C11orf65: variants seen among roughly 807,000 people sequenced by gnomAD.
C11orf65 encodes the protein chromosome 11 open reading frame 65.
C11orf65 carries 38 observed loss-of-function variants against 35.3 expected under a neutral mutation model. The ratio of observed to expected loss-of-function variants is 1.08; its 90% confidence interval spans 0.83 to 1.41. The LOEUF (loss-of-function observed/expected upper bound fraction) is 1.41. Ranked by LOEUF, C11orf65 falls within the 40% of genes most tolerant of loss-of-function variation. C11orf65 has a pLI of 0.00. For missense variants in C11orf65, 370 were observed against 367.1 expected, an observed-to-expected ratio of 1.01 and a Z score of -0.06; for synonymous variants, 105 against 114.4, an observed-to-expected ratio of 0.92 and a Z score of 0.53.
downstream of C11orf65, chr11:108,327,678 T>C (rs2136374685): frequency 6.2e-7 from 1 of 1,614,002 alleles, no homozygotes; most frequent in Non-Finnish European, 8.5e-7. Context: ...ATACACAGAA[T>C]GTCTGAGGGT....
At chr11:108,319,870 T>G (rs1353568565) in intron 6 of C11orf65, 3 of 946,116 alleles carry the variant, frequency 3.2e-6, no homozygotes, top group Non-Finnish European at 5.0e-6. Context: ...ATTTAAAAAT[T>G]TTGTCCTTTG....
At chr11:108,403,775 G>A (rs2092486258) in intron 6 of C11orf65, among the ~76,000 whole-genome samples, 1 of 152,134 alleles carries the variant, frequency 6.6e-6, no homozygotes, top group African/African-American at 2.4e-5. Context: ...AGTTCCCTTG[G>A]CACCTCTGTT....
At chr11:108,321,443 T>C in intron 6 of C11orf65, 1 of 1,613,904 alleles carries the variant, frequency 6.2e-7, no homozygotes, top group Non-Finnish European at 8.5e-7. Flanking sequence ...TATGACTTTG[T>C]TATCCTAAAG....
At chr11:108,466,432 G>A (rs2093539035) in intron 1 of C11orf65, among the ~76,000 whole-genome samples, 1 of 151,984 alleles carries the variant, frequency 6.6e-6, no homozygotes, top group Non-Finnish European at 1.5e-5. Context: ...AAATAAACTG[G>A]GTGTGGTGGC....
At chr11:108,352,453 A>C (rs1466470481) in intron 2 of C11orf65, among the ~76,000 whole-genome samples, 1 of 152,226 alleles carries the variant, frequency 6.6e-6, no homozygotes, top group African/African-American at 2.4e-5. Flanking sequence ...AGAGCCGTAG[A>C]AATTACCCAA....
chr11:108,359,023 C>G (rs1288175421), intron 2 of C11orf65, among the ~76,000 whole-genome samples: 1 of 150,184 alleles, frequency 6.7e-6, no homozygotes, highest in African/African-American at 2.4e-5. Context: ...GAGTCAAGAC[C>G]CATCAGTGTG....
At chr11:108,316,244 A>G (rs1006367755) in intron 6 of C11orf65, 7 of 951,904 alleles carry the variant, frequency 7.4e-6, no homozygotes, top group African/African-American at 6.5e-5. Flanking sequence ...TTTTCAGAGG[A>G]TTAGGCTAAA....
rs201963507 is a variant in C11orf65, at chr11:108,310,287, A to G, written c.641-1216T>C. 122 of 1,613,438 alleles carry G rather than the reference A, an allele frequency of 7.6e-5. 1 individual carries two copies. In the Middle Eastern group the frequency reaches 8.2e-4, roughly 11 times the overall value. On this transcript the variant is annotated intron_variant, in intron 6 of 6. Coordinates refer to the C11orf65 transcript ENST00000525729. ...ACTCTATGCAGAAATCTATGCAGAT[A>G]AGAAAAGTATGGATGATCAAGAGAA...
At chr11:108,396,708 C>T (rs2092316071) in intron 6 of C11orf65, among the ~76,000 whole-genome samples, 1 of 151,108 alleles carries the variant, frequency 6.6e-6, no homozygotes, top group African/African-American at 2.4e-5. Flanking sequence ...GTGGCAGGTG[C>T]TTGTAGTCCC....
In C11orf65 at chr11:108,334,218, GT is replaced by G. The variant is rs4988129; in HGVS notation, c.299+1001del. Among the ~76,000 whole-genome samples the G allele has an allele frequency of 0.52, 79,522 of 151,842 alleles. 21,705 individuals are homozygous for G. Among genetic ancestry groups the G allele is most frequent in the Middle Eastern group, 0.73 (214 of 294 alleles). The stretch of plus-strand genomic sequence containing the variant: ...TCTTTCTTATGAAGGTCTATAGACT[GT>G]TACTTTCATTGGCCAGAAGGAGAGT... On this transcript the variant is annotated intron_variant, in intron 3 of 3. Coordinates refer to the C11orf65 transcript ENST00000524755.
At chr11:108,449,918 A>G (rs549868338) in intron 2 of C11orf65, among the ~76,000 whole-genome samples, 1 of 152,110 alleles carries the variant, frequency 6.6e-6, no homozygotes, top group South Asian at 2.1e-4. Flanking sequence ...AGAATCTACA[A>G]TGAACTCAAA....
At chr11:108,350,747 A>C (rs2089089509) in intron 2 of C11orf65, among the ~76,000 whole-genome samples, 1 of 152,158 alleles carries the variant, frequency 6.6e-6, no homozygotes, top group South Asian at 2.1e-4. Flanking sequence ...TTATCTGAGA[A>C]TGAAAGGAGA....
In C11orf65 at chr11:108,346,057, CAT is replaced by C. The variant is rs561412238; in HGVS notation, c.227-10767_227-10766del. 2,848 of 851,928 alleles carry C rather than the reference CAT, an allele frequency of 3.3e-3. 15 individuals are homozygous for C. The highest frequency in any genetic ancestry group is 0.033 in the Middle Eastern group (122 of 3,696). 52.8% of individuals were successfully genotyped at this position (851,928 alleles called of 1,614,324 possible). A position where few individuals can be genotyped will look rare whatever the true frequency, so the allele number is the denominator to read the frequency against. On this transcript the variant is annotated intron_variant, in intron 2 of 3. Transcript: ENST00000524755. The stretch of plus-strand genomic sequence containing the variant: ...AACCAACCCATCTTCATTATTAAAT[CAT>C]ATGTTTCTTGTTCATCCTGATTCTT...
At chr11:108,369,822 TATC>T (rs1337837741) in intron 2 of C11orf65, among the ~76,000 whole-genome samples, 2 of 152,206 alleles carry the variant, frequency 1.3e-5, no homozygotes, top group Non-Finnish European at 2.9e-5. Context: ...AACAAAATGG[TATC>T]ATGTCTCATT....
chr11:108,421,746 A>G (rs1394731980), intron 3 of C11orf65, among the ~76,000 whole-genome samples: 1 of 152,192 alleles, frequency 6.6e-6, no homozygotes, highest in Admixed American at 6.5e-5. Flanking sequence ...AAAAAGCCAC[A>G]CCAGGAATAG....
At chr11:108,362,291 A>C (rs1370336304) in intron 2 of C11orf65, among the ~76,000 whole-genome samples, 2 of 150,822 alleles carry the variant, frequency 1.3e-5, no homozygotes, top group African/African-American at 4.9e-5. Flanking sequence ...TTAAAAAGTC[A>C]GGAAACAACA....
At chr11:108,456,433 T>C (rs1422364729) in intron 2 of C11orf65, among the ~76,000 whole-genome samples, 2 of 152,142 alleles carry the variant, frequency 1.3e-5, no homozygotes, top group African/African-American at 2.4e-5. Flanking sequence ...GAAAATATCT[T>C]CTGACTAGGT....
At chr11:108,423,571 C>T (rs1038364604) in intron 3 of C11orf65, among the ~76,000 whole-genome samples, 4 of 152,200 alleles carry the variant, frequency 2.6e-5, no homozygotes, top group Non-Finnish European at 4.4e-5. Flanking sequence ...AAGGGACAGA[C>T]TGCCTCCTCA....
rs142493772 is a variant in C11orf65 at position 108,388,791 on chromosome 11, G to A, written c.732-2816C>T. ...GTCCTGTGGCATTGTGCATAACTCCGTGATGGTGATGTGGGGATTGTTCTG... is the reference window on the plus strand; with the variant it reads ...GTCCTGTGGCATTGTGCATAACTCCATGATGGTGATGTGGGGATTGTTCTG... On this transcript the variant is annotated intron_variant, in intron 7 of 8. Transcript: ENST00000393084. Among the ~76,000 whole-genome samples, 466 of 152,354 alleles carry A rather than the reference G, an allele frequency of 3.1e-3. 1 individual carries two copies. The highest frequency in any genetic ancestry group is 0.011 in the African/African-American group (441 of 41,572).
Sources: gnomAD v4.1 joint callset for allele counts (sites outside exome capture counted in the v4.1 genomes callset) on GRCh38, gnomAD v4.1.1 for gene constraint, MANE v1.5 for transcripts, NCBI Gene and HGNC (gene_info 2026-07-23, HGNC 2026-07-21) for gene names.